The following ELK3 variants were observed in gnomAD, a reference collection of about 807,000 sequenced individuals.
ELK3 encodes the protein ETS domain-containing protein Elk-3.
A neutral mutation model predicts 28.9 loss-of-function variants in ELK3; 10 were observed. The observed-to-expected ratio is 0.35, with a 90% CI of 0.21 to 0.59. The LOEUF is 0.59. Ranked by LOEUF, ELK3 falls within the 20% of genes least tolerant of loss-of-function variation. The pLI is 0.82. For synonymous variants in ELK3, 272 were observed against 243.5 expected (o/e 1.12, Z -1.09); for missense variants, 463 against 517.3 (o/e 0.90, Z 1.02).
intron 3 of ELK3, among the ~76,000 whole-genome samples, chr12:96,255,105 G>A (rs944683779): frequency 6.6e-6 from 1 of 152,112 alleles, no homozygotes; most frequent in Non-Finnish European, 1.5e-5. Flanking sequence ...AGGCTGTATG[G>A]TGGGAGGGGT....
At chr12:96,254,691 A>G (rs1210733192) in intron 3 of ELK3, among the ~76,000 whole-genome samples, 1 of 152,060 alleles carries the variant, frequency 6.6e-6, no homozygotes, top group East Asian at 1.9e-4. Context: ...TCATAACTTA[A>G]GTCCCTTCAT....
At chr12:96,222,512 CAA>C (rs1283985070) in intron 1 of ELK3, among the ~76,000 whole-genome samples, 1 of 152,168 alleles carries the variant, frequency 6.6e-6, no homozygotes, top group Non-Finnish European at 1.5e-5. Context: ...AAGGTCTCTG[CAA>C]TTGGCAGTGA....
intron 2 of ELK3, among the ~76,000 whole-genome samples, chr12:96,244,219 T>C (rs1218717822): frequency 6.6e-6 from 1 of 152,118 alleles, no homozygotes; most frequent in Non-Finnish European, 1.5e-5. Context: ...CACCCCACAT[T>C]TCATTTATCC....
intron 1 of ELK3, among the ~76,000 whole-genome samples, chr12:96,208,062 T>G (rs1361461886): frequency 6.6e-6 from 1 of 150,774 alleles, no homozygotes; most frequent in Non-Finnish European, 1.5e-5. Context: ...TTGTTTTTTG[T>G]TTTTTTTTGA....
At chr12:96,221,623 A>C (rs1342273340) in intron 1 of ELK3, among the ~76,000 whole-genome samples, 7 of 152,324 alleles carry the variant, frequency 4.6e-5, no homozygotes, top group African/African-American at 1.7e-4. Context: ...CAGTGAAGAG[A>C]AGAAAGTTGT....
At chr12:96,235,637 G>A (rs938202287) in intron 2 of ELK3, among the ~76,000 whole-genome samples, 3 of 152,002 alleles carry the variant, frequency 2.0e-5, no homozygotes, top group Admixed American at 6.6e-5. Context: ...GTCAACTGGT[G>A]ACAAAGCCAG....
At chr12:96,257,342 T>C (rs796187450) in intron 3 of ELK3, among the ~76,000 whole-genome samples, 5 of 152,342 alleles carry the variant, frequency 3.3e-5, no homozygotes, top group African/African-American at 1.2e-4. Flanking sequence ...ACAGTGTTTA[T>C]TTGCATATAT....
intron 1 of ELK3, among the ~76,000 whole-genome samples, chr12:96,200,176 T>C (rs1292501152): frequency 1.3e-5 from 2 of 152,134 alleles, no homozygotes; most frequent in Non-Finnish European, 2.9e-5. Flanking sequence ...CTCAAATGTT[T>C]ATGATTTATT....
intron 1 of ELK3, among the ~76,000 whole-genome samples, chr12:96,217,246 G>C (rs989515497): frequency 7.2e-5 from 11 of 152,212 alleles, no homozygotes; most frequent in Non-Finnish European, 2.9e-5. Context: ...GTGAGACCTA[G>C]TCGAAAAGAA....
At chr12:96,236,406 A>C (rs1951783904) in intron 2 of ELK3, among the ~76,000 whole-genome samples, 1 of 152,196 alleles carries the variant, frequency 6.6e-6, no homozygotes, top group South Asian at 2.1e-4. Context: ...CAGGCTGGCC[A>C]AATTTGGTGA....
Position 96,247,932 on chromosome 12 carries a change from C to T in ELK3, c.1002+198C>T, listed in dbSNP as rs990970115. Among the ~76,000 whole-genome samples the T allele has an allele frequency of 6.6e-6, 1 of 152,162 alleles. No homozygotes were observed. The highest frequency in any genetic ancestry group is 1.5e-5 in the Non-Finnish European group (1 of 68,022). On this transcript the variant is annotated intron_variant, in intron 3 of 4. Coordinates refer to ENST00000228741, the MANE Select transcript of ELK3 (RefSeq NM_005230.4). The surrounding 1 kb of genome is among the most constrained non-coding windows in gnomAD (Gnocchi z 5.5). ...GCACATGAGACAGGGTTTGGTTTGTCGACTCTAGTGGGATGCTTGATTGGT... is the reference window on the plus strand; with the variant it reads ...GCACATGAGACAGGGTTTGGTTTGTTGACTCTAGTGGGATGCTTGATTGGT...
chr12:96,210,563 A>ACG (rs200900036), intron 1 of ELK3, among the ~76,000 whole-genome samples: 3 of 145,108 alleles, frequency 2.1e-5, no homozygotes, highest in Non-Finnish European at 3.1e-5. Context: ...GCGCGGGCGC[A>ACG]CGCACACACA....
At chr12:96,199,480 CTGTGTGTGTG>C (rs10678770) in intron 1 of ELK3, among the ~76,000 whole-genome samples, 9 of 146,476 alleles carry the variant, frequency 6.1e-5, no homozygotes, top group East Asian at 2.0e-4. Flanking sequence ...ATAAAATTAG[CTGTGTGTGTG>C]TGTGTGTGTG....
intron 2 of ELK3, among the ~76,000 whole-genome samples, chr12:96,230,758 C>T (rs1301949615): frequency 6.6e-6 from 1 of 152,204 alleles, no homozygotes; most frequent in African/African-American, 2.4e-5. Context: ...ATCGGAGGCT[C>T]TGATCACTGT....
chr12:96,204,037 G>A, intron 1 of ELK3, among the ~76,000 whole-genome samples: 1 of 152,158 alleles, frequency 6.6e-6, no homozygotes, highest in East Asian at 1.9e-4. Flanking sequence ...ATAGAAATGA[G>A]GTTAGTTTGC....
chr12:96,222,548 C>T (rs999954275), intron 1 of ELK3, among the ~76,000 whole-genome samples: 3 of 152,198 alleles, frequency 2.0e-5, no homozygotes, highest in Non-Finnish European at 2.9e-5. Context: ...CAAGCATCCA[C>T]GGACTGGGCA....
chr12:96,235,312 C>T (rs973951888), intron 2 of ELK3, among the ~76,000 whole-genome samples: 1 of 151,510 alleles, frequency 6.6e-6, no homozygotes, highest in Non-Finnish European at 1.5e-5. Flanking sequence ...CTCCAGCTGG[C>T]GCCTCACTTG....
intron 2 of ELK3, among the ~76,000 whole-genome samples, chr12:96,226,016 C>T (rs1304919709): frequency 1.3e-5 from 2 of 152,070 alleles, no homozygotes; most frequent in Non-Finnish European, 2.9e-5. Context: ...CCTGTAGTCT[C>T]AGCTACTTGG....
chr12:96,257,805 T>C (rs915246488), intron 3 of ELK3, among the ~76,000 whole-genome samples: 2 of 152,390 alleles, frequency 1.3e-5, no homozygotes, highest in Non-Finnish European at 2.9e-5. Flanking sequence ...TGAGTTGGTC[T>C]GTTTCAGAGG....
Sources: gnomAD v4.1 joint callset for allele counts (sites outside exome capture counted in the v4.1 genomes callset) on GRCh38, gnomAD v4.1.1 for gene constraint, Gnocchi (gnomAD v3.1) non-coding constraint, MANE v1.5 for transcripts, NCBI Gene and HGNC (gene_info 2026-07-23, HGNC 2026-07-21) for gene names.